MAP9: variants seen among roughly 807,000 people sequenced by gnomAD.
The protein encoded by MAP9 is microtubule-associated protein 9.
MAP9 carries 80 observed loss-of-function variants against 75.2 expected under a neutral mutation model. That is an observed-to-expected ratio of 1.06 (90% CI 0.89 to 1.28). The LOEUF is 1.28. Among genes scored for constraint, MAP9 ranks in the 50% most tolerant of loss-of-function variants. The pLI is 0.00. For missense variants in MAP9, 753 were observed against 719.9 expected, an observed-to-expected ratio of 1.05 and a Z score of -0.53; for synonymous variants, 235 against 237.3, an observed-to-expected ratio of 0.99 and a Z score of 0.09.
chr4:155,362,306 TA>T, intron 5 of MAP9, 165 bp from the exon 6 acceptor site: 1 of 508,096 alleles, frequency 2.0e-6, no homozygotes, highest in East Asian at 3.4e-5. Flanking sequence ...CCAATGGAGG[TA>T]AGCATGCTTT....
intron 8 of MAP9, among the ~76,000 whole-genome samples, chr4:155,356,747 G>A (rs902797224): frequency 6.6e-6 from 1 of 152,166 alleles, no homozygotes; most frequent in African/African-American, 2.4e-5. Flanking sequence ...TAGCAGAAAT[G>A]AGTAGTTCCA....
At position 155,368,107 on chromosome 4, in the gene MAP9, C is replaced by T. The variant is rs183013907; in HGVS notation, c.708+479G>A. 894 of 172,220 alleles carry T rather than the reference C, an allele frequency of 5.2e-3. 4 individuals are homozygous for T. The highest frequency in any genetic ancestry group is 7.3e-3 in the Non-Finnish European group (591 of 81,262). The allele number at this position is 172,220 out of a possible 1,614,324, so 10.7% of individuals were successfully genotyped here. ...TGCTATTGGAACATAACCCAAAGAA[C>T]ACAGAAGAGTGCCATGAACATTCAA... is the stretch of plus-strand genomic sequence containing the variant. On this transcript the variant is annotated intron_variant, in intron 5 of 13. Coordinates refer to ENST00000311277, the MANE Select transcript of MAP9 (RefSeq NM_001039580.2).
chr4:155,375,129 G>C, intron 2 of MAP9, 108 bp from the exon 3 acceptor site: 1 of 751,920 alleles, frequency 1.3e-6, no homozygotes. Flanking sequence ...TCAAACTTAG[G>C]TTTCATTCAT....
chr4:155,369,648 G>A (rs1364081991), intron 4 of MAP9, among the ~76,000 whole-genome samples: 1 of 152,022 alleles, frequency 6.6e-6, no homozygotes, highest in African/African-American at 2.4e-5. Context: ...AAAATTACAA[G>A]ACTAGATTAC....
At chr4:155,357,239 T>C (rs1731833170) in intron 8 of MAP9, 1 of 522,986 alleles carries the variant, frequency 1.9e-6, no homozygotes, top group Non-Finnish European at 3.4e-6. Flanking sequence ...AAACAATCAG[T>C]AATAGACTTA....
chr4:155,368,254 T>C, intron 5 of MAP9: 1 of 484,868 alleles, frequency 2.1e-6, no homozygotes, highest in Non-Finnish European at 3.6e-6. Flanking sequence ...ATAAACACTA[T>C]TATATAGATT....
At chr4:155,350,172 T>G in intron 13 of MAP9, 1 of 432,620 alleles carries the variant, frequency 2.3e-6, no homozygotes, top group Non-Finnish European at 4.5e-6. Context: ...ATAAAAAGCT[T>G]GAGATGTTGT....
chr4:155,361,898 CAGTT>C (rs1315840850), intron 6 of MAP9, 146 bp downstream of exon 6: 1 of 531,910 alleles, frequency 1.9e-6, no homozygotes, highest in Non-Finnish European at 3.3e-6. Context: ...TCCAAAATCA[CAGTT>C]AGTTAACTAC....
intron 5 of MAP9, among the ~76,000 whole-genome samples, chr4:155,366,087 G>T (rs898575394): frequency 6.6e-6 from 1 of 152,078 alleles, no homozygotes; most frequent in Non-Finnish European, 1.5e-5. Flanking sequence ...GAGGCCAGGC[G>T]CCGTGGCTCA....
At chr4:155,372,529 G>A (rs7661726) in intron 4 of MAP9, among the ~76,000 whole-genome samples, 14,270 of 152,102 alleles carry the variant, frequency 0.094, 1,659 homozygotes, top group African/African-American at 0.28. Flanking sequence ...GATCACACCA[G>A]GAACTTTCCT....
rs777172969 is a variant in MAP9 at position 155,374,934 on chromosome 4, T to C, written c.160+3A>G. On this transcript the variant is annotated splice_donor_region_variant and intron_variant, in intron 3 of 13. Coordinates refer to ENST00000311277, the MANE Select transcript of MAP9 (RefSeq NM_001039580.2). ...TGGTTCACGTTTCCATACTGTCACA[T>C]ACCAATCTCATCACTGTCAAAGTCA... is the stretch of plus-strand genomic sequence containing the variant. 4 of 1,571,456 alleles carry C rather than the reference T, an allele frequency of 2.5e-6. No individual in the cohort carries two copies. The highest frequency in any genetic ancestry group is 1.1e-5 in the South Asian group (1 of 87,264).
chr4:155,356,817 A>C (rs1234999676), intron 8 of MAP9, among the ~76,000 whole-genome samples: 5 of 152,230 alleles, frequency 3.3e-5, no homozygotes, highest in Non-Finnish European at 7.3e-5. Context: ...TTACAGAAAA[A>C]GCTTGCTAGC....
chr4:155,366,922 C>CA (rs1046270386), intron 5 of MAP9, among the ~76,000 whole-genome samples: 21 of 152,076 alleles, frequency 1.4e-4, no homozygotes, highest in African/African-American at 5.1e-4. Flanking sequence ...AGACACTCCC[C>CA]AACTCATTTG....
intron 13 of MAP9, among the ~76,000 whole-genome samples, chr4:155,349,185 T>C (rs1731399442): frequency 2.7e-4 from 1 of 3,708 alleles, no homozygotes; most frequent in Non-Finnish European, 6.3e-4. Flanking sequence ...TTGCAAACAG[T>C]AGTGGTGAGG....
At position 155,373,173 on chromosome 4, in the gene MAP9, A is replaced by C. The variant is rs565090294; in HGVS notation, c.444T>G (p.Pro148=). The change falls in exon 4 of 14, where the codon CCT becomes CCG. Residue 148 remains proline (P), a synonymous_variant. Transcript: ENST00000311277. Reference sequence around the variant, plus strand: ...TTTTAATTGAAAGAATTCTGGGTTTAGGTTTCATTTTTATTTTGTCTTTTT... The same window carrying C: ...TTTTAATTGAAAGAATTCTGGGTTTCGGTTTCATTTTTATTTTGTCTTTTT... The part of the protein sequence containing the change: ...EFEKDKIKMK[P]KPRILSIKST... 1 of 1,588,678 alleles carries C rather than the reference A, an allele frequency of 6.3e-7. No individual in the cohort carries two copies. The highest frequency in any genetic ancestry group is 8.6e-7 in the Non-Finnish European group (1 of 1,168,688).
chr4:155,368,985 T>TA, intron 4 of MAP9, 173 bp from the exon 5 acceptor site: 1 of 574,954 alleles, frequency 1.7e-6, no homozygotes, highest in Non-Finnish European at 3.0e-6. Flanking sequence ...AAGGCACAAA[T>TA]AAATGATGGT....
chr4:155,354,485 T>TTTTTTTTTA (rs1731673499), intron 10 of MAP9: 1 of 150,662 alleles, frequency 6.6e-6, no homozygotes, highest in Admixed American at 6.6e-5. Flanking sequence ...TTTTTTTTTT[T>TTTTTTTTTA]GAGACAGAGT....
rs1731207652 is a variant in MAP9 at position 155,344,271 on chromosome 4, A to G, written c.*3512T>C. ...GAGATAAATAAGAGGACATGAATCA[A>G]CTAAATTAATAATAACCACAGTTCA... On this transcript the variant is annotated 3_prime_UTR_variant, in exon 14 of 14. Transcript: ENST00000311277. 6.6e-6 allele frequency: 1 copy of G among 151,944 alleles called. No homozygotes were observed. The highest frequency in any genetic ancestry group is 2.4e-5 in the African/African-American group (1 of 41,428). The allele number at this position is 151,944 out of a possible 1,614,324, so 9.4% of individuals were successfully genotyped here.
At chr4:155,356,958 A>G (rs1254431582) in intron 8 of MAP9, 1 of 156,660 alleles carries the variant, frequency 6.4e-6, no homozygotes, top group Non-Finnish European at 1.4e-5. Flanking sequence ...AATCATTTTA[A>G]TAAACCTACT....
Sources: allele counts gnomAD v4.1 joint callset (sites outside exome capture counted in the v4.1 genomes callset), GRCh38; gene constraint gnomAD v4.1.1; transcripts MANE v1.5; gene names NCBI Gene and HGNC (gene_info 2026-07-23, HGNC 2026-07-21).